Variants in TBC1D30 observed in about 807,000 individuals in gnomAD.
The protein encoded by TBC1D30 is TBC1 domain family, member 30.
In TBC1D30, 31 loss-of-function variants were observed where a neutral mutation model predicts 63.2. That is an observed-to-expected ratio of 0.49 (90% CI 0.37 to 0.66). The LOEUF (loss-of-function observed/expected upper bound fraction) is 0.66. Among genes scored for constraint, TBC1D30 ranks in the 30% least tolerant of loss-of-function variants. The pLI, the probability that TBC1D30 is intolerant of heterozygous loss-of-function variation, is 0.00. For synonymous variants in TBC1D30, 307 were observed against 361.5 expected (o/e 0.85, Z 1.71); for missense variants, 810 against 953.6 (o/e 0.85, Z 1.98).
At chr12:64,845,562 G>A (rs1280742836) in intron 8 of TBC1D30, among the ~76,000 whole-genome samples, 1 of 151,920 alleles carries the variant, frequency 6.6e-6, no homozygotes, top group Admixed American at 6.6e-5. Flanking sequence ...CTGTCTCTAT[G>A]TAAAATACAA....
At chr12:64,814,167 C>T (rs911189460) in intron 2 of TBC1D30, among the ~76,000 whole-genome samples, 3 of 152,158 alleles carry the variant, frequency 2.0e-5, no homozygotes, top group Admixed American at 1.3e-4. Context: ...GTGCCTCAGC[C>T]ACCTGAGTAC....
intron 1 of TBC1D30, chr12:64,825,407 G>C (rs560823064): frequency 2.4e-4 from 52 of 214,132 alleles, no homozygotes; most frequent in Middle Eastern, 1.6e-3. Context: ...CAGACCTTGC[G>C]AGAGGTGTGT....
In TBC1D30 at chr12:64,799,176, G is replaced by T. The variant is rs144912610; in HGVS notation, c.643+13131G>T. Among the ~76,000 whole-genome samples, 349 of 152,070 alleles carry T rather than the reference G, an allele frequency of 2.3e-3. 1 individual carries two copies. The highest frequency in any genetic ancestry group is 7.6e-3 in the African/African-American group (315 of 41,472). ...CTCTGGAGAGCTGATGGGATGGGAG[G>T]GGGGCACATTGGTTGAGAACATGGA... On this transcript the variant is annotated intron_variant, in intron 2 of 12. Transcript: ENST00000542120.
chr12:64,869,359 T>G (rs972951593), intron 10 of TBC1D30, among the ~76,000 whole-genome samples: 1 of 152,230 alleles, frequency 6.6e-6, no homozygotes, highest in Non-Finnish European at 1.5e-5. Context: ...CCTGCAAGCC[T>G]CAGCTTGTTT....
intron 8 of TBC1D30, among the ~76,000 whole-genome samples, chr12:64,862,196 T>A (rs1877847894): frequency 1.3e-5 from 2 of 152,346 alleles, no homozygotes; most frequent in Non-Finnish European, 2.9e-5. Flanking sequence ...AATCTCCGAC[T>A]TACCAAGGTG....
intron 8 of TBC1D30, among the ~76,000 whole-genome samples, chr12:64,857,900 C>T (rs1877445658): frequency 6.6e-6 from 1 of 152,170 alleles, no homozygotes; most frequent in Admixed American, 6.5e-5. Context: ...ATGTAAAGTC[C>T]TCTAGTCACT....
intron 7 of TBC1D30, among the ~76,000 whole-genome samples, chr12:64,842,239 A>G (rs1144421): frequency 0.71 from 108,452 of 151,990 alleles, 39,850 homozygotes; most frequent in East Asian, 0.9. Flanking sequence ...GGTGCCTGTA[A>G]CCTCAACTAC....
Position 64,832,208 on chromosome 12 carries a change from C to T in TBC1D30, c.498C>T (p.Ala166=), listed in dbSNP as rs181148724. Residue 166 remains alanine, a synonymous_variant, in exon 5 of 12, where the codon GCC becomes GCT. Coordinates refer to ENST00000539867, the MANE Select transcript of TBC1D30 (RefSeq NM_015279.2). ...TGAAGCGGGTGCTGCTGGCCTATGC[C>T]CGATGGAACAAAACTGTTGGGTACT... is the stretch of plus-strand genomic sequence containing the variant. ...VVLKRVLLAY[A]RWNKTVGYCQ... The T allele has an allele frequency of 6.5e-3, 10,036 of 1,536,098 alleles. 48 individuals carry two copies. Among genetic ancestry groups the T allele is most frequent in the Non-Finnish European group, 7.5e-3 (8,585 of 1,146,904 alleles).
At chr12:64,862,876 G>A (rs1457534561) in intron 8 of TBC1D30, among the ~76,000 whole-genome samples, 1 of 152,300 alleles carries the variant, frequency 6.6e-6, no homozygotes, top group South Asian at 2.1e-4. Context: ...ATATGTGATG[G>A]TCAGATAGAG....
At chr12:64,872,192 T>G (rs970413088) in intron 11 of TBC1D30, among the ~76,000 whole-genome samples, 9 of 152,130 alleles carry the variant, frequency 5.9e-5, no homozygotes, top group Admixed American at 2.0e-4. Context: ...CATGCCTGGC[T>G]GATTCTTGTA....
intron 8 of TBC1D30, among the ~76,000 whole-genome samples, chr12:64,851,773 T>G (rs1876893811): frequency 6.6e-6 from 1 of 152,242 alleles, no homozygotes; most frequent in African/African-American, 2.4e-5. Flanking sequence ...TCTCCTTTGC[T>G]TATGAAACTT....
Position 64,866,881 on chromosome 12 carries a change from G to T in TBC1D30, c.1269G>T (p.Gln423His). The T allele has an allele frequency of 6.5e-7, 1 of 1,536,094 alleles. No homozygotes were observed. The highest frequency in any genetic ancestry group is 8.7e-7 in the Non-Finnish European group (1 of 1,146,904). ...PFSGFLAPELQKYQKQIKEPN... is the reference protein window; with the variant it reads ...PFSGFLAPELHKYQKQIKEPN... Reference sequence around the variant, plus strand: ...GTGGGTTCCTGGCTCCTGAACTGCAGAAGTACCAAAAACAAATTAAAGGTA... The same window carrying T: ...GTGGGTTCCTGGCTCCTGAACTGCATAAGTACCAAAAACAAATTAAAGGTA... The change falls in exon 10 of 12, where the codon CAG (glutamine) becomes CAT (histidine). Residue 423 changes from glutamine to histidine, a missense_variant. This residue lies in a region of TBC1D30 where 450 missense variants were observed against 473.0 expected (regional missense o/e 0.95). Transcript: ENST00000539867.
rs912063784 is a variant in TBC1D30 at position 64,838,683 on chromosome 12, G to T, written c.764G>T (p.Gly255Val). The T allele has an allele frequency of 8.5e-6, 13 of 1,536,346 alleles. No individual in the cohort carries two copies. In the African/African-American group the frequency reaches 1.8e-4, roughly 21 times the overall value. Residue 255 changes from glycine (G) to valine (V), a missense_variant and splice_region_variant, in exon 7 of 12, where the codon GGT becomes GTT. By Grantham distance (109) the Gly-to-Val change is moderately radical (BLOSUM62 -3). Coordinates refer to ENST00000539867, the MANE Select transcript of TBC1D30 (RefSeq NM_015279.2). The part of the protein sequence containing the change: ...LQRTANKESG[G>V]GYEPPLTNVF... The stretch of plus-strand genomic sequence containing the variant: ...ATTGAATGTGTTTGTTTTATTTCAG[G>T]TGGATATGAGCCCCCACTTACAAAT...
Position 64,824,960 on chromosome 12 carries a change from C to T in TBC1D30, c.81C>T (p.Ile27=), listed in dbSNP as rs1305837054. ...LKRQGGGVGT[I]LSNVLKKRSC... ...GGCAGGGCGGCGGCGTGGGCACCAT[C>T]CTGAGCAATGTGCTCAAGAAGCGCA... Residue 27 remains isoleucine, a synonymous_variant, in exon 1 of 12, where the codon ATC becomes ATT. Transcript: ENST00000539867. 6.5e-7 allele frequency: 1 copy of T among 1,534,914 alleles called. No individual in the cohort carries two copies. The highest frequency in any genetic ancestry group is 1.2e-5 in the South Asian group (1 of 83,942).
At chr12:64,763,259 A>T (rs1400440554) in intron 1 of TBC1D30, among the ~76,000 whole-genome samples, 1 of 152,136 alleles carries the variant, frequency 6.6e-6, no homozygotes, top group Non-Finnish European at 1.5e-5. Context: ...TATCTTCCTC[A>T]ATGCTAGTGT....
chr12:64,849,666 G>A (rs923606318), intron 8 of TBC1D30, among the ~76,000 whole-genome samples: 3 of 152,158 alleles, frequency 2.0e-5, no homozygotes, highest in Admixed American at 2.0e-4. Flanking sequence ...TGCTGTTTTG[G>A]TTACTGTAGC....
intron 8 of TBC1D30, among the ~76,000 whole-genome samples, chr12:64,860,559 G>A (rs1877704530): frequency 6.6e-6 from 1 of 152,028 alleles, no homozygotes. Context: ...TGGTTACTCA[G>A]TGAATACACA....
chr12:64,775,002 A>G (rs1027507784), intron 1 of TBC1D30, among the ~76,000 whole-genome samples: 65 of 152,164 alleles, frequency 4.3e-4, no homozygotes, highest in African/African-American at 1.5e-3. Flanking sequence ...CTGAGGCATG[A>G]GAATTGGTTG....
In TBC1D30 at chr12:64,824,823, T is replaced by TGGGGTAGCGGGGACC. The variant is rs2136352466; in HGVS notation, c.-55_-41dup. The TGGGGTAGCGGGGACC allele has an allele frequency of 6.7e-7, 1 of 1,501,760 alleles. No homozygotes were observed. Among genetic ancestry groups the TGGGGTAGCGGGGACC allele is most frequent in the Admixed American group, 2.0e-5 (1 of 48,888 alleles). 93.0% of individuals were successfully genotyped at this position (1,501,760 alleles called of 1,614,324 possible). A position where few individuals can be genotyped will look rare whatever the true frequency, so the allele number is the denominator to read the frequency against. On this transcript the variant is annotated 5_prime_UTR_variant, in exon 1 of 12. Coordinates refer to ENST00000539867, the MANE Select transcript of TBC1D30 (RefSeq NM_015279.2). ...TCCGCGAGCTCAGCCGCTCAGCGAG[T>TGGGGTAGCGGGGACC]GGGGTAGCGGGGACCGAGACGGACG... is the stretch of plus-strand genomic sequence containing the variant.
Sources: gnomAD v4.1 joint callset for allele counts (sites outside exome capture counted in the v4.1 genomes callset) on GRCh38, gnomAD v4.1.1 for gene constraint, gnomAD v4.1.1 regional missense constraint, MANE v1.5 for transcripts, NCBI Gene and HGNC (gene_info 2026-07-23, HGNC 2026-07-21) for gene names.